The following TRPM1 variants were observed in gnomAD, a reference collection of about 807,000 sequenced individuals.
TRPM1 encodes transient receptor potential cation channel subfamily M member 1.
A neutral mutation model predicts 149.4 loss-of-function variants in TRPM1; 113 were observed. The ratio of observed to expected loss-of-function variants is 0.76; its 90% CI spans 0.65 to 0.88. The LOEUF is 0.88. Ranked by LOEUF, TRPM1 falls within the 40% of genes least tolerant of loss-of-function variation. TRPM1 has a pLI of 0.00. For missense variants in TRPM1, 1,976 were observed against 2,038.7 expected (o/e 0.97, Z 0.59); for synonymous variants, 741 against 759.5 (o/e 0.98, Z 0.40).
intron 1 of TRPM1, among the ~76,000 whole-genome samples, chr15:31,089,030 T>TG (rs780784383): frequency 6.6e-6 from 1 of 152,108 alleles, no homozygotes; most frequent in Non-Finnish European, 1.5e-5. Context: ...GGCACTCAAA[T>TG]GGGGGTATCA....
At chr15:31,028,557 C>T (rs923717623) in intron 24 of TRPM1, 81 bp from the exon 25 acceptor site, 1 of 1,466,804 alleles carries the variant, frequency 6.8e-7, no homozygotes, top group Non-Finnish European at 9.4e-7. Flanking sequence ...TTTTTCAATA[C>T]CTATTTCTTT....
At chr15:31,131,533 G>C (rs2036015826) in intron 1 of TRPM1, among the ~76,000 whole-genome samples, 1 of 152,190 alleles carries the variant, frequency 6.6e-6, no homozygotes, top group Non-Finnish European at 1.5e-5. Context: ...AGATGGAAAA[G>C]GCATTACATT....
At chr15:31,038,228 T>C in intron 18 of TRPM1, 62 bp from the exon 19 acceptor site, 1 of 1,580,598 alleles carries the variant, frequency 6.3e-7, no homozygotes, top group Non-Finnish European at 8.6e-7. Context: ...CCAGCATAGT[T>C]AAAATTTTTA....
chr15:31,149,762 G>T (rs6493491), intron 1 of TRPM1, among the ~76,000 whole-genome samples: 1 of 151,404 alleles, frequency 6.6e-6, no homozygotes, highest in South Asian at 2.1e-4. Flanking sequence ...CTTGTGATCC[G>T]CCCGCCTTGG....
At chr15:31,059,931 ACAC>A (rs1221347163) in intron 11 of TRPM1, among the ~76,000 whole-genome samples, 3 of 151,948 alleles carry the variant, frequency 2.0e-5, no homozygotes, top group Non-Finnish European at 2.9e-5. Flanking sequence ...TGTCACACAC[ACAC>A]ATTAGTACTC....
In TRPM1 at chr15:31,148,641, G is replaced by A. The variant is rs967428356; in HGVS notation, c.54+12265C>T. ...AGAGACAGAAAAGCAGCTAGTGAGT[G>A]GCATGCACCTGTCTATTTCAGCAGC... is the stretch of plus-strand genomic sequence containing the variant. On this transcript the variant is annotated intron_variant, in intron 1 of 26. Coordinates refer to the TRPM1 transcript ENST00000542188. Among the ~76,000 whole-genome samples the A allele has an allele frequency of 3.9e-5, 6 of 152,298 alleles. No homozygotes were observed. In the South Asian group the frequency reaches 6.2e-4, roughly 16 times the overall value.
intron 11 of TRPM1, among the ~76,000 whole-genome samples, chr15:31,052,107 C>T (rs915795605): frequency 7.9e-5 from 12 of 152,202 alleles, no homozygotes; most frequent in Admixed American, 3.9e-4. Flanking sequence ...ACTCTGCACA[C>T]CTGCCATGGC....
intron 16 of TRPM1, among the ~76,000 whole-genome samples, chr15:31,044,026 T>G (rs1488672880): frequency 2.0e-5 from 3 of 152,038 alleles, no homozygotes; most frequent in African/African-American, 7.2e-5. Flanking sequence ...TGAAAAAAAA[T>G]TACAGGATAT....
intron 26 of TRPM1, 55 bp from the exon 27 acceptor site, chr15:31,026,326 G>A (rs1595987303): frequency 9.4e-6 from 15 of 1,597,264 alleles, no homozygotes; most frequent in African/African-American, 6.7e-5. Flanking sequence ...TCAGTTTCGT[G>A]GCGTCAATGA....
upstream of TRPM1, among the ~76,000 whole-genome samples, chr15:31,106,667 G>C (rs1462225973): frequency 2.0e-5 from 3 of 152,138 alleles, no homozygotes; most frequent in Non-Finnish European, 4.4e-5. Context: ...GGATGCATGA[G>C]AGTTGATTTC....
At chr15:31,042,936 T>C (rs2033665176) in intron 16 of TRPM1, among the ~76,000 whole-genome samples, 1 of 152,234 alleles carries the variant, frequency 6.6e-6, no homozygotes, top group Non-Finnish European at 1.5e-5. Context: ...GCTAATACTT[T>C]AGTATTCAAT....
chr15:31,112,455 G>C (rs1288807842), intron 1 of TRPM1, among the ~76,000 whole-genome samples: 2 of 152,204 alleles, frequency 1.3e-5, no homozygotes, highest in African/African-American at 2.4e-5. Context: ...TCCAGTCTGG[G>C]TTCTTGAGCA....
At chr15:31,089,289 C>T (rs780253033) in intron 1 of TRPM1, among the ~76,000 whole-genome samples, 3 of 152,006 alleles carry the variant, frequency 2.0e-5, no homozygotes, top group Middle Eastern at 3.4e-3. Context: ...CAACATTGCC[C>T]GGGAGGGTTT....
chr15:31,131,619 A>G (rs2036016792), intron 1 of TRPM1, among the ~76,000 whole-genome samples: 1 of 152,198 alleles, frequency 6.6e-6, no homozygotes, highest in Admixed American at 6.5e-5. Context: ...CCTTTCAGGC[A>G]TCCCCTGTGG....
intron 1 of TRPM1, among the ~76,000 whole-genome samples, chr15:31,084,522 T>C (rs1173133977): frequency 6.6e-6 from 1 of 152,180 alleles, no homozygotes; most frequent in Non-Finnish European, 1.5e-5. Flanking sequence ...GTCATCCAGG[T>C]AGCGCAGATC....
chr15:31,091,779 G>A (rs1010591929), intron 1 of TRPM1, among the ~76,000 whole-genome samples: 1 of 152,170 alleles, frequency 6.6e-6, no homozygotes, highest in African/African-American at 2.4e-5. Flanking sequence ...ATAGATGAAC[G>A]TTCCCACACA....
intron 27 of TRPM1, among the ~76,000 whole-genome samples, chr15:31,019,472 G>A (rs1465856068): frequency 6.6e-6 from 1 of 152,174 alleles, no homozygotes; most frequent in Non-Finnish European, 1.5e-5. Context: ...CACTATCTCG[G>A]CTCAGTGCAA....
At position 31,120,874 on chromosome 15, in the gene TRPM1, G is replaced by C. The variant is rs190412889; in HGVS notation, c.54+40032C>G. On this transcript the variant is annotated intron_variant, in intron 1 of 26. Transcript: ENST00000542188. The stretch of plus-strand genomic sequence containing the variant: ...AAAACACAATTTACCAAAATGTGTG[G>C]GAATGCAGTGAAAGCAGTGCTTAGA... 1.1e-3 allele frequency among the ~76,000 whole-genome samples: 163 copies of C among 152,250 alleles called. 1 individual carries two copies. The highest frequency in any genetic ancestry group is 3.7e-3 in the African/African-American group (155 of 41,542).
intron 1 of TRPM1, among the ~76,000 whole-genome samples, chr15:31,144,141 T>C (rs1397432211): frequency 6.6e-6 from 1 of 152,086 alleles, no homozygotes; most frequent in African/African-American, 2.4e-5. Flanking sequence ...ATCCAGGTTT[T>C]TCAAAGTCCC....
Sources: allele counts gnomAD v4.1 joint callset (sites outside exome capture counted in the v4.1 genomes callset), GRCh38; gene constraint gnomAD v4.1.1; transcripts MANE v1.5; gene names NCBI Gene and HGNC (gene_info 2026-07-23, HGNC 2026-07-21).